The following EFCAB6 variants were observed in gnomAD, a reference collection of about 807,000 sequenced individuals.
EFCAB6 encodes EF-hand calcium-binding domain-containing protein 6.
In EFCAB6, 156 loss-of-function variants were observed where a neutral mutation model predicts 169.8. The ratio of observed to expected loss-of-function variants is 0.92; its 90% CI spans 0.81 to 1.05. The LOEUF is 1.05. EFCAB6 is among the 50% of genes least tolerant of loss of function. The pLI is 0.00. For missense variants in EFCAB6, 1,800 were observed against 1,829.1 expected (o/e 0.98, Z 0.29); for synonymous variants, 698 against 676.4 (o/e 1.03, Z -0.50).
At chr22:43,798,083 G>A (rs1403701233) in intron 2 of EFCAB6, among the ~76,000 whole-genome samples, 1 of 152,024 alleles carries the variant, frequency 6.6e-6, no homozygotes, top group Non-Finnish European at 1.5e-5. Flanking sequence ...GTTGGGGTGG[G>A]GCCTAAGAAT....
At chr22:43,625,930 C>T (rs1218853440) in intron 20 of EFCAB6, among the ~76,000 whole-genome samples, 1 of 152,118 alleles carries the variant, frequency 6.6e-6, no homozygotes, top group Admixed American at 6.5e-5. Context: ...ACGGGCCCAG[C>T]CTTGGACAGA....
chr22:43,612,047 C>T (rs1212008532), intron 21 of EFCAB6, among the ~76,000 whole-genome samples: 6 of 152,082 alleles, frequency 3.9e-5, no homozygotes, highest in African/African-American at 1.4e-4. Flanking sequence ...GCTGACAAAA[C>T]CCAGCAATGG....
chr22:43,754,403 G>T (rs1341993832), intron 6 of EFCAB6, among the ~76,000 whole-genome samples: 6 of 152,194 alleles, frequency 3.9e-5, no homozygotes. Context: ...TCCCCTGCCT[G>T]CCCAGGGTTG....
intron 17 of EFCAB6, among the ~76,000 whole-genome samples, chr22:43,653,775 CTT>C (rs1486411539): frequency 6.6e-6 from 1 of 152,034 alleles, no homozygotes; most frequent in Non-Finnish European, 1.5e-5. Flanking sequence ...GTGGCCCTGT[CTT>C]TGGAGGAAGG....
Position 43,744,635 on chromosome 22 carries a change from C to T in EFCAB6, c.508-8642G>A, listed in dbSNP as rs2060498947. Among the ~76,000 whole-genome samples the T allele has an allele frequency of 6.6e-6, 1 of 152,022 alleles. No homozygotes were observed. The highest frequency in any genetic ancestry group is 1.9e-4 in the East Asian group (1 of 5,174). ...CACCAGGAGTGGGAGCTGAGGGGGT[C>T]CAGAGGGGGCTAAGTCAGGGCTGAT... On this transcript the variant is annotated intron_variant, in intron 6 of 31. Coordinates refer to ENST00000262726, the MANE Select transcript of EFCAB6 (RefSeq NM_022785.4). This position sits in a 1 kb window ranked among gnomAD's most constrained non-coding sequence, Gnocchi z 4.3.
intron 24 of EFCAB6, among the ~76,000 whole-genome samples, chr22:43,586,519 G>A (rs550144742): frequency 4.6e-5 from 7 of 151,910 alleles, no homozygotes; most frequent in African/African-American, 1.4e-4. Context: ...GGACGTAAGA[G>A]TCATGCATTC....
At chr22:43,531,782 G>A (rs1205364027) in intron 30 of EFCAB6, among the ~76,000 whole-genome samples, 3 of 152,090 alleles carry the variant, frequency 2.0e-5, no homozygotes, top group African/African-American at 7.2e-5. Flanking sequence ...GGGAAGAGAG[G>A]GTGTGGGGCT....
Position 43,669,041 on chromosome 22 carries a change from A to C in EFCAB6, c.1645T>G (p.Cys549Gly), listed in dbSNP as rs2057377243. The change falls in exon 16 of 32, where the codon TGC (cysteine) becomes GGC (glycine). Residue 549 changes from cysteine to glycine, a missense_variant. Transcript: ENST00000262726. ...GAACCAATGTCCTGAATCTTACTGC[A>C]GAGTCTGAATTTTAAAAAATAATTA... ...FLTNAHFIKLCSKIQDIGSGR... is the reference protein window; with the variant it reads ...FLTNAHFIKLGSKIQDIGSGR... 6.3e-7 allele frequency: 1 copy of C among 1,599,774 alleles called. No homozygotes were observed. The highest frequency in any genetic ancestry group is 1.7e-5 in the Admixed American group (1 of 57,552).
chr22:43,704,130 A>G (rs1159719564), intron 10 of EFCAB6, among the ~76,000 whole-genome samples: 2 of 152,216 alleles, frequency 1.3e-5, no homozygotes, highest in Admixed American at 6.5e-5. Flanking sequence ...AAGAGATTAA[A>G]AAAACATATC....
chr22:43,600,926 G>A (rs956123970), intron 22 of EFCAB6, among the ~76,000 whole-genome samples: 2 of 152,202 alleles, frequency 1.3e-5, no homozygotes, highest in Non-Finnish European at 2.9e-5. Context: ...GCCTCCCAAA[G>A]TACTGGGATT....
chr22:43,723,560 A>AT (rs956219192), intron 8 of EFCAB6, among the ~76,000 whole-genome samples: 1 of 152,228 alleles, frequency 6.6e-6, no homozygotes, highest in African/African-American at 2.4e-5. Flanking sequence ...TGGGTTTTAA[A>AT]TTTTTTTAAA....
intron 12 of EFCAB6, among the ~76,000 whole-genome samples, chr22:43,682,651 C>A (rs370461851): frequency 6.6e-6 from 1 of 152,138 alleles, no homozygotes; most frequent in East Asian, 1.9e-4. Flanking sequence ...TAGCCTCAGG[C>A]GGGTTACTTA....
At chr22:43,810,116 C>T (rs1037361540) in intron 1 of EFCAB6, among the ~76,000 whole-genome samples, 9 of 151,590 alleles carry the variant, frequency 5.9e-5, no homozygotes, top group African/African-American at 1.5e-4. Context: ...TGGCCTCAAG[C>T]GATCCTCCTG....
At chr22:43,723,507 AC>A (rs2059612747) in intron 8 of EFCAB6, among the ~76,000 whole-genome samples, 1 of 152,228 alleles carries the variant, frequency 6.6e-6, no homozygotes, top group Admixed American at 6.5e-5. Flanking sequence ...GAATCATTCA[AC>A]CTTGAGTACC....
At position 43,795,818 on chromosome 22, in the gene EFCAB6, CAACACACACA is replaced by C. The variant is rs1280764185; in HGVS notation, c.-8+13167_-8+13176del. On this transcript the variant is annotated intron_variant, in intron 2 of 31. Coordinates refer to ENST00000262726, the MANE Select transcript of EFCAB6 (RefSeq NM_022785.4). This position sits in a 1 kb window ranked among gnomAD's most constrained non-coding sequence, Gnocchi z 4.2. ...TGCCATTCAGACAGCACTCGCCTCC[CAACACACACA>C]CACACACACACACTACACACTCACC... Among the ~76,000 whole-genome samples, 1 of 113,048 alleles carries C rather than the reference CAACACACACA, an allele frequency of 8.8e-6. No homozygotes were observed. The highest frequency in any genetic ancestry group is 2.0e-5 in the Non-Finnish European group (1 of 49,252). 74.2% of individuals were successfully genotyped at this position (113,048 alleles called of 152,430 possible). A position where few individuals can be genotyped will look rare whatever the true frequency, so the allele number is the denominator to read the frequency against.
At chr22:43,775,040 C>T (rs1482276159) in intron 3 of EFCAB6, among the ~76,000 whole-genome samples, 2 of 151,980 alleles carry the variant, frequency 1.3e-5, no homozygotes, top group Non-Finnish European at 2.9e-5. Flanking sequence ...AGAGGAGTGA[C>T]ACAGTACCGT....
intron 6 of EFCAB6, among the ~76,000 whole-genome samples, chr22:43,748,303 C>T (rs551021283): frequency 2.6e-5 from 4 of 152,322 alleles, no homozygotes; most frequent in South Asian, 2.1e-4. Flanking sequence ...GCATCTTTTC[C>T]GCCAGTCTAC....
At chr22:43,749,219 C>A (rs947044837) in intron 6 of EFCAB6, among the ~76,000 whole-genome samples, 1 of 152,000 alleles carries the variant, frequency 6.6e-6, no homozygotes, top group Non-Finnish European at 1.5e-5. Context: ...GTGGTAGAAC[C>A]ATTTACTGAC....
At chr22:43,589,521 C>T (rs985653121) in intron 24 of EFCAB6, among the ~76,000 whole-genome samples, 2 of 152,148 alleles carry the variant, frequency 1.3e-5, no homozygotes, top group African/African-American at 4.8e-5. Context: ...GGCGCAGTGG[C>T]TCACGCCTAT....
Sources: allele counts gnomAD v4.1 joint callset (sites outside exome capture counted in the v4.1 genomes callset), GRCh38; gene constraint gnomAD v4.1.1; non-coding constraint Gnocchi (gnomAD v3.1); transcripts MANE v1.5; gene names NCBI Gene and HGNC (gene_info 2026-07-23, HGNC 2026-07-21).